Variants in RD3 observed in about 807,000 individuals in gnomAD.
The protein encoded by RD3 is RD3 regulator of GUCY2D.
A neutral mutation model predicts 16.9 loss-of-function variants in RD3; 11 were observed. That is an observed-to-expected ratio of 0.65 (90% CI 0.41 to 1.08). RD3 has a LOEUF of 1.08. Among genes scored for constraint, RD3 ranks in the 50% least tolerant of loss-of-function variants. The pLI is 0.00. For synonymous variants in RD3, 116 were observed against 114.8 expected, an observed-to-expected ratio of 1.01 and a Z score of -0.07; for missense variants, 274 against 267.4, an observed-to-expected ratio of 1.02 and a Z score of -0.17.
intron 1 of RD3, among the ~76,000 whole-genome samples, chr1:211,486,665 A>G (rs895198743): frequency 2.0e-5 from 3 of 152,096 alleles, no homozygotes; most frequent in South Asian, 2.1e-4. Context: ...CCTGGCCAAC[A>G]TGGTGAAATC....
chr1:211,479,827 A>G (rs1705227184), intron 2 of RD3, among the ~76,000 whole-genome samples: 3 of 152,178 alleles, frequency 2.0e-5, no homozygotes, highest in Non-Finnish European at 4.4e-5. Context: ...CTTCCCTGGA[A>G]GACCCTGCAC....
intron 1 of RD3, among the ~76,000 whole-genome samples, chr1:211,490,236 C>T (rs1705458079): frequency 6.6e-6 from 1 of 152,230 alleles, no homozygotes; most frequent in Non-Finnish European, 1.5e-5. Flanking sequence ...GCTCTGACCC[C>T]CTGCAGGAGG....
rs537514576 is a variant in RD3 at position 211,485,051 on chromosome 1, C to T, written c.-11-3625G>A. 1.4e-4 allele frequency among the ~76,000 whole-genome samples: 22 copies of T among 152,356 alleles called. No homozygotes were observed. In the East Asian group the frequency reaches 3.9e-3, roughly 27 times the overall value. The stretch of plus-strand genomic sequence containing the variant: ...GTCTCCTGGACCCCCAGACACTTCA[C>T]CTCAAGGCAGAGTAAGGCCAGAAGC... On this transcript the variant is annotated intron_variant, in intron 1 of 2. Transcript: ENST00000680073.
intron 1 of RD3, among the ~76,000 whole-genome samples, chr1:211,485,770 T>G (rs1705361487): frequency 6.6e-6 from 1 of 152,134 alleles, no homozygotes; most frequent in African/African-American, 2.4e-5. Flanking sequence ...CATGGTGACC[T>G]CAGAGTCTTC....
intron 1 of RD3, among the ~76,000 whole-genome samples, chr1:211,482,607 C>T (rs1279987681): frequency 4.0e-5 from 6 of 151,796 alleles, no homozygotes; most frequent in Non-Finnish European, 7.4e-5. Context: ...CTGACAGCAG[C>T]GAGCCTAACT....
Position 211,478,428 on chromosome 1 carries a change from G to T in RD3, c.*608C>A, listed in dbSNP as rs954664498. On this transcript the variant is annotated 3_prime_UTR_variant, in exon 3 of 3. Coordinates refer to ENST00000680073, the MANE Select transcript of RD3 (RefSeq NM_001164688.2). The stretch of plus-strand genomic sequence containing the variant: ...TCTCACTGTTCATGAGGAGCTGGCT[G>T]CAGTTAAAGGCAGAAGAAGTGTCCC... 2.8e-6 allele frequency: 1 copy of T among 363,630 alleles called. No individual in the cohort carries two copies. 22.5% of individuals were successfully genotyped at this position (363,630 alleles called of 1,614,324 possible). A position where few individuals can be genotyped will look rare whatever the true frequency, so the allele number is the denominator to read the frequency against.
chr1:211,480,237 AG>A (rs1180240031), intron 2 of RD3, among the ~76,000 whole-genome samples: 3 of 152,128 alleles, frequency 2.0e-5, no homozygotes, highest in African/African-American at 7.2e-5. Context: ...ATCTGGAGGA[AG>A]AAAGGGGAGG....
At chr1:211,479,852 A>G (rs1340538832) in intron 2 of RD3, among the ~76,000 whole-genome samples, 2 of 152,164 alleles carry the variant, frequency 1.3e-5, no homozygotes, top group African/African-American at 2.4e-5. Context: ...GCTGGGAAGA[A>G]TCACTTGTGG....
At chr1:211,491,622 T>G (rs1705491798) in intron 1 of RD3, 146 bp downstream of exon 1, 1 of 151,962 alleles carries the variant, frequency 6.6e-6, no homozygotes, top group Non-Finnish European at 1.5e-5. Context: ...GTCCCGGAGG[T>G]GGGCGGCTTT....
chr1:211,478,935 G>A lies in RD3; in HGVS notation c.*101C>T. ...ATGGGGCCGCCTCTTGGGTCTCCTC[G>A]TCAGGCCTAGGTGGGGAGGTTCCAG... On this transcript the variant is annotated 3_prime_UTR_variant, in exon 3 of 3. Transcript: ENST00000680073. 1 of 1,156,042 alleles carries A rather than the reference G, an allele frequency of 8.7e-7. No individual in the cohort carries two copies. Among genetic ancestry groups the A allele is most frequent in the Non-Finnish European group, 1.2e-6 (1 of 845,092 alleles). The allele number at this position is 1,156,042 out of a possible 1,614,324, so 71.6% of individuals were successfully genotyped here.
chr1:211,488,532 C>CA (rs35415066), intron 1 of RD3, among the ~76,000 whole-genome samples: 52,001 of 107,454 alleles, frequency 0.48, 10,818 homozygotes, highest in East Asian at 0.62. Flanking sequence ...AAGACTCTGT[C>CA]AAAAAAAAAA....
intron 1 of RD3, among the ~76,000 whole-genome samples, chr1:211,487,063 C>T (rs1196795331): frequency 6.6e-6 from 1 of 152,116 alleles, no homozygotes; most frequent in South Asian, 2.1e-4. Context: ...GCTGAAGAAG[C>T]CTCGTGGTCT....
At position 211,482,089 on chromosome 1, in the gene RD3, GTGCATGC is replaced by G. The variant is rs1705278555; in HGVS notation, c.-11-670_-11-664del. Among the ~76,000 whole-genome samples the G allele has an allele frequency of 2.7e-3, 412 of 151,874 alleles. 12 individuals are homozygous for G. The highest frequency in any genetic ancestry group is 9.3e-3 in the African/African-American group (382 of 41,166). On this transcript the variant is annotated intron_variant, in intron 1 of 2. Transcript: ENST00000680073. Reference sequence around the variant, plus strand: ...AATACAAAATTAGCCAGATGTGGTGGTGCATGCCTGTAATCCCAGCTACTCGGGAGGC... The same window carrying G: ...AATACAAAATTAGCCAGATGTGGTGGCTGTAATCCCAGCTACTCGGGAGGC...
rs929679711 is a variant in RD3 at position 211,478,805 on chromosome 1, G to T, written c.*231C>A. ...GAAGGGGCTGCTCCTGCAGACTAGC[G>T]CAGGAGAGGGAGAGGGCGGTGCCGC... On this transcript the variant is annotated 3_prime_UTR_variant, in exon 3 of 3. Transcript: ENST00000680073. 1.6e-5 allele frequency: 9 copies of T among 554,760 alleles called. No homozygotes were observed. The highest frequency in any genetic ancestry group is 3.2e-5 in the Admixed American group (1 of 31,180). 34.4% of individuals were successfully genotyped at this position (554,760 alleles called of 1,614,324 possible). A position where few individuals can be genotyped will look rare whatever the true frequency, so the allele number is the denominator to read the frequency against.
At chr1:211,490,313 C>T (rs1041474203) in intron 1 of RD3, among the ~76,000 whole-genome samples, 16 of 152,252 alleles carry the variant, frequency 1.1e-4, no homozygotes, top group Non-Finnish European at 1.9e-4. Flanking sequence ...ACAGTGAGGG[C>T]GTGCAGACCT....
At chr1:211,487,128 C>T (rs989674719) in intron 1 of RD3, among the ~76,000 whole-genome samples, 1 of 152,200 alleles carries the variant, frequency 6.6e-6, no homozygotes, top group Non-Finnish European at 1.5e-5. Flanking sequence ...TGCCTAAGAT[C>T]CAGATCCACC....
Position 211,478,642 on chromosome 1 carries a change from T to G in RD3, c.*394A>C. The G allele has an allele frequency of 1.7e-5, 4 of 235,640 alleles. No individual in the cohort carries two copies. Among genetic ancestry groups the G allele is most frequent in the South Asian group, 1.5e-4 (1 of 6,662 alleles). The allele number at this position is 235,640 out of a possible 1,614,324, so 14.6% of individuals were successfully genotyped here. On this transcript the variant is annotated 3_prime_UTR_variant, in exon 3 of 3. Transcript: ENST00000680073. ...CTCATTGGGGATGGGGGTAGGGGGG[T>G]GAATGGGACATCCCTGAAATTGGGG...
chr1:211,483,466 A>G (rs968914308), intron 1 of RD3, among the ~76,000 whole-genome samples: 1 of 152,080 alleles, frequency 6.6e-6, no homozygotes, highest in African/African-American at 2.4e-5. Flanking sequence ...AAAAAAAAAA[A>G]AAAGAAATCT....
chr1:211,491,710 A>C (rs1179097597), intron 1 of RD3, 58 bp downstream of exon 1: 1 of 152,294 alleles, frequency 6.6e-6, no homozygotes, highest in Non-Finnish European at 1.5e-5. Flanking sequence ...CCAAAGGTGC[A>C]GCTGTGCCAG....
Sources: gnomAD v4.1 joint callset for allele counts (sites outside exome capture counted in the v4.1 genomes callset) on GRCh38, gnomAD v4.1.1 for gene constraint, MANE v1.5 for transcripts, NCBI Gene and HGNC (gene_info 2026-07-23, HGNC 2026-07-21) for gene names.